The following CDK19 variants were observed in gnomAD, a reference collection of about 807,000 sequenced individuals.
The protein encoded by CDK19 is cyclin-dependent kinase 19.
Under a neutral mutation model 68.3 loss-of-function variants are expected in CDK19, and 20 were observed. That is an observed-to-expected ratio of 0.29 (90% confidence interval 0.21 to 0.43). CDK19 has a LOEUF of 0.43. Ranked by LOEUF, CDK19 falls within the 20% of genes least tolerant of loss-of-function variation. The probability of loss-of-function intolerance (pLI) is 1.00; values close to 1 mark genes in which losing one functional copy is unlikely to be tolerated. For synonymous variants in CDK19, 221 were observed against 222.8 expected (o/e 0.99, Z 0.07); for missense variants, 339 against 623.5 (o/e 0.54, Z 4.86).
At chr6:110,794,920 G>A (rs889690090) in intron 1 of CDK19, among the ~76,000 whole-genome samples, 5 of 152,120 alleles carry the variant, frequency 3.3e-5, no homozygotes, top group Non-Finnish European at 7.4e-5. Flanking sequence ...GTAGAAAAAT[G>A]TGGATGACAA....
chr6:110,758,086 G>A (rs1042274671), intron 1 of CDK19, among the ~76,000 whole-genome samples: 2 of 152,134 alleles, frequency 1.3e-5, no homozygotes. Context: ...CAGCTACTCA[G>A]GATGTTGAGG....
chr6:110,783,708 A>T (rs1422354544), intron 1 of CDK19, among the ~76,000 whole-genome samples: 1 of 152,098 alleles, frequency 6.6e-6, no homozygotes, highest in Non-Finnish European at 1.5e-5. Flanking sequence ...AACTCTAAGA[A>T]GAAAACAAAG....
At chr6:110,790,693 C>T (rs1222153601) in intron 1 of CDK19, among the ~76,000 whole-genome samples, 2 of 152,124 alleles carry the variant, frequency 1.3e-5, no homozygotes, top group Non-Finnish European at 2.9e-5. Context: ...TTTACATACT[C>T]TTTCCTATCC....
At chr6:110,763,544 T>G (rs9372266) in intron 1 of CDK19, among the ~76,000 whole-genome samples, 23,357 of 151,232 alleles carry the variant, frequency 0.15, 2,019 homozygotes, top group East Asian at 0.32. Context: ...GCCTCCCGAG[T>G]AGCTGGGATT....
intron 1 of CDK19, among the ~76,000 whole-genome samples, chr6:110,804,291 AG>A (rs1219720913): frequency 6.6e-6 from 1 of 152,154 alleles, no homozygotes; most frequent in Non-Finnish European, 1.5e-5. Context: ...CTCTATAAGA[AG>A]AGTGTATTTT....
At chr6:110,789,862 T>G (rs1314619634) in intron 1 of CDK19, among the ~76,000 whole-genome samples, 1 of 152,224 alleles carries the variant, frequency 6.6e-6, no homozygotes, top group African/African-American at 2.4e-5. Flanking sequence ...ATTTACCAAT[T>G]TATTCCAATT....
intron 2 of CDK19, among the ~76,000 whole-genome samples, chr6:110,722,609 T>A (rs998030418): frequency 1.3e-5 from 2 of 151,858 alleles, no homozygotes; most frequent in African/African-American, 4.8e-5. Context: ...AAATACTTTC[T>A]AAAAAAATAC....
intron 3 of CDK19, 47 bp from the exon 4 acceptor site, chr6:110,667,621 A>AT: frequency 9.5e-7 from 1 of 1,056,684 alleles, no homozygotes; most frequent in Non-Finnish European, 1.3e-6. Flanking sequence ...GCTAATATCT[A>AT]TGCCAATAAA....
upstream of CDK19, chr6:110,815,595 C>G (rs706932): frequency 0.16 from 24,228 of 153,484 alleles, 2,115 homozygotes; most frequent in East Asian, 0.31. Flanking sequence ...GCCTCGCCCC[C>G]ACAAAGCATG....
chr6:110,738,594 CTAAA>C (rs1777425569), intron 2 of CDK19, among the ~76,000 whole-genome samples: 1 of 151,936 alleles, frequency 6.6e-6, no homozygotes, highest in South Asian at 2.1e-4. Context: ...CTTAATAAAA[CTAAA>C]TAGATATTTC....
chr6:110,674,944 C>A (rs1771365431), intron 2 of CDK19, among the ~76,000 whole-genome samples: 2 of 151,714 alleles, frequency 1.3e-5, no homozygotes, highest in Admixed American at 6.6e-5. Flanking sequence ...GAACAAGGCC[C>A]TAATTCTCTT....
intron 1 of CDK19, among the ~76,000 whole-genome samples, chr6:110,811,920 C>T (rs1783131781): frequency 6.6e-6 from 1 of 150,424 alleles, no homozygotes; most frequent in African/African-American, 2.5e-5. Context: ...GTTGGAGGTC[C>T]AGCATGATGG....
Position 110,792,653 on chromosome 6 carries a change from C to T in CDK19, c.128+22356G>A, listed in dbSNP as rs575245065. ...AACTCCTGACCTCAGGTGATCCACC[C>T]GCCGCGACAGGCGAGGGATGGACAT... On this transcript the variant is annotated intron_variant, in intron 1 of 12. Coordinates refer to ENST00000368911, the MANE Select transcript of CDK19 (RefSeq NM_015076.5). 7.2e-5 allele frequency among the ~76,000 whole-genome samples: 11 copies of T among 152,300 alleles called. No homozygotes were observed. The South Asian group carries it at 1.9e-3, about 26-fold the overall frequency.
At chr6:110,648,291 T>A (rs1273876452) in intron 4 of CDK19, among the ~76,000 whole-genome samples, 1 of 152,178 alleles carries the variant, frequency 6.6e-6, no homozygotes, top group African/African-American at 2.4e-5. Flanking sequence ...ATTATCTACA[T>A]AGAAAACCAA....
At chr6:110,685,854 A>G (rs1432203738) in intron 2 of CDK19, among the ~76,000 whole-genome samples, 1 of 152,192 alleles carries the variant, frequency 6.6e-6, no homozygotes, top group African/African-American at 2.4e-5. Flanking sequence ...ATGGCAGGTG[A>G]CTAAGATCAA....
intron 1 of CDK19, among the ~76,000 whole-genome samples, chr6:110,766,388 A>G (rs1174082225): frequency 6.6e-6 from 1 of 152,018 alleles, no homozygotes; most frequent in Non-Finnish European, 1.5e-5. Context: ...CACCCTGGCC[A>G]ATGTGGTGAA....
chr6:110,806,279 G>A (rs1782675171), intron 1 of CDK19, among the ~76,000 whole-genome samples: 1 of 149,084 alleles, frequency 6.7e-6, no homozygotes, highest in Non-Finnish European at 1.5e-5. Context: ...GGCAGAGGTT[G>A]CGGTGAGCCA....
chr6:110,665,981 G>A (rs1483355303), intron 4 of CDK19, among the ~76,000 whole-genome samples: 2 of 151,726 alleles, frequency 1.3e-5, no homozygotes, highest in African/African-American at 2.4e-5. Flanking sequence ...GAGCTCAAGT[G>A]ATCCACCCAC....
chr6:110,785,761 G>A (rs1235707294), intron 1 of CDK19, among the ~76,000 whole-genome samples: 3 of 152,052 alleles, frequency 2.0e-5, no homozygotes, highest in Non-Finnish European at 2.9e-5. Context: ...CAGGCAGATC[G>A]CCTGAGTTTG....
Sources: gnomAD v4.1 joint callset for allele counts (sites outside exome capture counted in the v4.1 genomes callset) on GRCh38, gnomAD v4.1.1 for gene constraint, MANE v1.5 for transcripts, NCBI Gene and HGNC (gene_info 2026-07-23, HGNC 2026-07-21) for gene names.